The following MME variants were observed in gnomAD, a reference collection of about 807,000 sequenced individuals.
MME encodes membrane metalloendopeptidase.
MME carries 98 observed loss-of-function variants against 113.2 expected under a neutral mutation model. The ratio of observed to expected loss-of-function variants is 0.87; its 90% CI spans 0.74 to 1.02. The LOEUF (loss-of-function observed/expected upper bound fraction) is 1.02. Ranked by LOEUF, MME falls within the 50% of genes least tolerant of loss-of-function variation. The pLI is 0.00. For missense variants in MME, 836 were observed against 896.0 expected (o/e 0.93, Z 0.86); for synonymous variants, 292 against 300.6 (o/e 0.97, Z 0.30).
intron 8 of MME, among the ~76,000 whole-genome samples, chr3:155,123,357 C>T (rs1291527589): frequency 8.4e-6 from 1 of 119,718 alleles, no homozygotes; most frequent in Non-Finnish European, 1.7e-5. Context: ...ACTGATGGGT[C>T]TTGACTGTTT....
chr3:155,171,721 T>G (rs1266775342), intron 20 of MME, among the ~76,000 whole-genome samples: 2 of 152,216 alleles, frequency 1.3e-5, no homozygotes, highest in African/African-American at 4.8e-5. Flanking sequence ...TTTGCTAAGA[T>G]AGTAGTAACT....
At chr3:155,101,207 A>C (rs1717182547) in intron 3 of MME, among the ~76,000 whole-genome samples, 1 of 152,168 alleles carries the variant, frequency 6.6e-6, no homozygotes, top group African/African-American at 2.4e-5. Flanking sequence ...CTTCCTGTAC[A>C]GCCTGCAGAG....
intron 17 of MME, among the ~76,000 whole-genome samples, chr3:155,163,876 C>T (rs568596131): frequency 1.3e-5 from 2 of 152,136 alleles, no homozygotes; most frequent in South Asian, 2.1e-4. Context: ...TGCATGGTGG[C>T]TCATGCCTGT....
chr3:155,138,297 T>C, intron 9 of MME, 61 bp downstream of exon 9: 2 of 1,536,052 alleles, frequency 1.3e-6, no homozygotes, highest in South Asian at 2.2e-5. Flanking sequence ...TTCTTTCCCC[T>C]CTCTATCATA....
At position 155,084,548 on chromosome 3, in the gene MME, G is replaced by C. The variant is rs112160750; in HGVS notation, c.160+221G>C. Among the ~76,000 whole-genome samples, 4 of 152,294 alleles carry C rather than the reference G, an allele frequency of 2.6e-5. No individual in the cohort carries two copies. In the South Asian group the frequency reaches 8.3e-4, roughly 32 times the overall value. On this transcript the variant is annotated intron_variant, in intron 2 of 22. Transcript: ENST00000360490. ...AAGTTATTAATTGCAAGTATATTTA[G>C]TGCGCTCACGCTTACTTATGAGGAA...
intron 8 of MME, among the ~76,000 whole-genome samples, chr3:155,126,962 G>T (rs541125090): frequency 4.7e-5 from 7 of 149,428 alleles, no homozygotes; most frequent in African/African-American, 1.2e-4. Flanking sequence ...AGCCAAGATC[G>T]TGCCATTGGA....
At chr3:155,119,160 T>C (rs1355559398) in intron 8 of MME, among the ~76,000 whole-genome samples, 1 of 152,210 alleles carries the variant, frequency 6.6e-6, no homozygotes, top group Non-Finnish European at 1.5e-5. Context: ...TCTAGGGTGG[T>C]GCTGGTGAGG....
At chr3:155,043,522 G>C (rs1713433307) in intron 1 of MME, among the ~76,000 whole-genome samples, 2 of 151,792 alleles carry the variant, frequency 1.3e-5, no homozygotes, top group Non-Finnish European at 2.9e-5. Flanking sequence ...AGTAGAGATG[G>C]GGTTTCTCCA....
upstream of MME, among the ~76,000 whole-genome samples, chr3:155,075,994 C>T (rs574861828): frequency 6.6e-6 from 1 of 152,164 alleles, no homozygotes; most frequent in African/African-American, 2.4e-5. Context: ...TCTCACATAT[C>T]AGATCTTCCA....
intron 3 of MME, among the ~76,000 whole-genome samples, chr3:155,102,487 A>C (rs1717338676): frequency 6.6e-6 from 1 of 152,144 alleles, no homozygotes; most frequent in Non-Finnish European, 1.5e-5. Context: ...TCACCTAACC[A>C]CATGGTCATC....
intron 3 of MME, among the ~76,000 whole-genome samples, chr3:155,108,494 G>A (rs930740811): frequency 5.9e-5 from 9 of 151,996 alleles, no homozygotes; most frequent in Admixed American, 1.3e-4. Flanking sequence ...TACTTGGGAG[G>A]CTGAGGCAGG....
Position 155,182,014 on chromosome 3 carries a change from G to GC in MME, c.*1558dup, listed in dbSNP as rs1251730048. On this transcript the variant is annotated 3_prime_UTR_variant, in exon 23 of 23. Transcript: ENST00000360490. ...TAAACTTAACTTTAACTGAACAATGGCCCTGTAGCCAGCACCTGTAAGAAA... is the reference window on the plus strand; with the variant it reads ...TAAACTTAACTTTAACTGAACAATGGCCCCTGTAGCCAGCACCTGTAAGAAA... 6.6e-6 allele frequency: 1 copy of GC among 152,044 alleles called. No homozygotes were observed. Among genetic ancestry groups the GC allele is most frequent in the African/African-American group, 2.4e-5 (1 of 41,392 alleles). 9.4% of individuals were successfully genotyped at this position (152,044 alleles called of 1,614,324 possible). A position where few individuals can be genotyped will look rare whatever the true frequency, so the allele number is the denominator to read the frequency against.
intron 10 of MME, 118 bp downstream of exon 10, chr3:155,140,410 CTTTTTTTTTTTTTT>C (rs35653282): frequency 3.5e-6 from 1 of 286,088 alleles, no homozygotes. Flanking sequence ...ACTTCAATTC[CTTTTTTTTTTTTTT>C]TTTTTTTTTT....
intron 3 of MME, among the ~76,000 whole-genome samples, chr3:155,091,464 G>C (rs1052121970): frequency 1.3e-5 from 2 of 152,158 alleles, no homozygotes; most frequent in Non-Finnish European, 2.9e-5. Flanking sequence ...GCAATGCCTG[G>C]TAAGCTAAGT....
chr3:155,035,455 T>C (rs1018348261), intron 1 of MME, among the ~76,000 whole-genome samples: 1 of 152,034 alleles, frequency 6.6e-6, no homozygotes, highest in African/African-American at 2.4e-5. Context: ...AGAAAGCAAT[T>C]GAACAAGTTA....
At chr3:155,148,464 T>C (rs1721685942) in intron 15 of MME, 86 bp from the exon 16 acceptor site, 1 of 873,976 alleles carries the variant, frequency 1.1e-6, no homozygotes, top group South Asian at 1.5e-5. Flanking sequence ...TTGACTGATA[T>C]AATTTAAGAA....
intron 1 of MME, among the ~76,000 whole-genome samples, chr3:155,042,916 A>ATATATATATATACG (rs1713390273): frequency 2.1e-5 from 1 of 47,038 alleles, no homozygotes; most frequent in South Asian, 6.9e-4. Flanking sequence ...ATATATATAT[A>ATATATATATATACG]TATATATATA....
chr3:155,027,477 C>A (rs1712825607), intron 1 of MME, among the ~76,000 whole-genome samples: 1 of 152,226 alleles, frequency 6.6e-6, no homozygotes, highest in Non-Finnish European at 1.5e-5. Context: ...GGATTTCTCC[C>A]AACCACCTTC....
intron 13 of MME, 121 bp downstream of exon 13, chr3:155,143,692 T>C: frequency 8.5e-7 from 1 of 1,176,266 alleles, no homozygotes; most frequent in Admixed American, 1.8e-5. Context: ...GCAGAGAACC[T>C]CTGAATCATA....
Sources: gnomAD v4.1 joint callset for allele counts (sites outside exome capture counted in the v4.1 genomes callset) on GRCh38, gnomAD v4.1.1 for gene constraint, MANE v1.5 for transcripts, NCBI Gene and HGNC (gene_info 2026-07-23, HGNC 2026-07-21) for gene names.